The following MRC2 variants were observed in gnomAD, a reference collection of about 807,000 sequenced individuals.
MRC2 encodes C-type mannose receptor 2.
Under a neutral mutation model 206.2 loss-of-function variants are expected in MRC2, and 84 were observed. The ratio of observed to expected loss-of-function variants is 0.41; its 90% CI spans 0.34 to 0.49. MRC2 has a LOEUF of 0.49. Ranked by LOEUF, MRC2 falls within the 20% of genes least tolerant of loss-of-function variation. MRC2 has a pLI of 0.31. For synonymous variants in MRC2, 798 were observed against 800.0 expected (o/e 1.00, Z 0.04); for missense variants, 1,676 against 2,001.5 (o/e 0.84, Z 3.10).
chr17:62,685,450 G>C (rs1302464039), intron 20 of MRC2, among the ~76,000 whole-genome samples: 1 of 150,802 alleles, frequency 6.6e-6, no homozygotes, highest in Non-Finnish European at 1.5e-5. Flanking sequence ...TTTTTAAACA[G>C]AATGTATTTT....
chr17:62,683,151 G>T (rs923131975), intron 20 of MRC2, among the ~76,000 whole-genome samples: 1 of 152,102 alleles, frequency 6.6e-6, no homozygotes, highest in African/African-American at 2.4e-5. Flanking sequence ...ATTAGCTAAA[G>T]ATTTTTAAAT....
intron 8 of MRC2, among the ~76,000 whole-genome samples, chr17:62,673,213 C>T (rs1369326350): frequency 2.0e-5 from 3 of 152,158 alleles, no homozygotes; most frequent in South Asian, 2.1e-4. Context: ...TACACAAACA[C>T]GCCTGCCCTC....
intron 1 of MRC2, among the ~76,000 whole-genome samples, chr17:62,659,210 G>T (rs1198712213): frequency 1.3e-5 from 2 of 152,008 alleles, no homozygotes; most frequent in African/African-American, 2.4e-5. Context: ...CCTCCCAAAG[G>T]TCTCACATCC....
intron 1 of MRC2, among the ~76,000 whole-genome samples, chr17:62,641,315 G>GAA (rs536367162): frequency 1.7e-4 from 14 of 84,394 alleles, no homozygotes; most frequent in Non-Finnish European, 2.0e-4. Flanking sequence ...GACTGTCTCA[G>GAA]AAAAAAAAAA....
rs140019168 is a variant in MRC2, at chr17:62,692,361, C to T, written c.4350C>T (p.Ala1450=). The T allele has an allele frequency of 1.3e-6, 2 of 1,572,864 alleles. No individual in the cohort carries two copies. The highest frequency in any genetic ancestry group is 1.7e-6 in the Non-Finnish European group (2 of 1,159,202). The change falls in exon 30 of 30, where the codon GCC becomes GCT. Residue 1450 remains alanine (A), a synonymous_variant. Transcript: ENST00000303375. This position sits in a 1 kb window ranked among gnomAD's most constrained non-coding sequence, Gnocchi z 4.2. ...QSIERGAFEG[A]RYSRSSSSPT... is the part of the protein sequence containing the mutation. ...TCGAGCGCGGGGCCTTTGAGGGTGC[C>T]CGCTACAGCCGCAGCAGCTCCAGCC...
chr17:62,672,209 G>T lies in MRC2; in HGVS notation c.1461+57G>T. The T allele has an allele frequency of 6.2e-7, 1 of 1,601,482 alleles. No homozygotes were observed. ...CAAAATACACCCCCAACCTCCAGGT[G>T]CCACCCCAGCTGAAGGACATCCTAG... On this transcript the variant is annotated intron_variant, in intron 8 of 29. Transcript: ENST00000303375. This position sits in a 1 kb window ranked among gnomAD's most constrained non-coding sequence, Gnocchi z 4.5.
Position 62,666,405 on chromosome 17 carries a change from C to T in MRC2, c.695-50C>T. The T allele has an allele frequency of 6.2e-7, 1 of 1,611,500 alleles. No homozygotes were observed. The highest frequency in any genetic ancestry group is 2.2e-5 in the East Asian group (1 of 44,850). ...CTTTTGGTGGGGGAGGGTCTGCACTCCCGAGGGACCCTGGAGGGGGCCTGA... is the reference window on the plus strand; with the variant it reads ...CTTTTGGTGGGGGAGGGTCTGCACTTCCGAGGGACCCTGGAGGGGGCCTGA... On this transcript the variant is annotated intron_variant, in intron 3 of 29. Coordinates refer to ENST00000303375, the MANE Select transcript of MRC2 (RefSeq NM_006039.5). This position sits in a 1 kb window ranked among gnomAD's most constrained non-coding sequence, Gnocchi z 5.0.
Position 62,690,772 on chromosome 17 carries a change from T to C in MRC2, c.4012+11T>C. On this transcript the variant is annotated intron_variant, in intron 27 of 29. Transcript: ENST00000303375. ...ACTTCAACCCCAAAGGTGGGTGCCC[T>C]GTGTGTGGGGTGGAGAGGTCAAGCC... is the stretch of plus-strand genomic sequence containing the variant. 6.3e-7 allele frequency: 1 copy of C among 1,594,866 alleles called. No individual in the cohort carries two copies. Among genetic ancestry groups the C allele is most frequent in the Middle Eastern group, 1.7e-4 (1 of 5,952 alleles).
intron 1 of MRC2, among the ~76,000 whole-genome samples, chr17:62,659,627 C>G (rs1357168168): frequency 1.3e-5 from 2 of 151,640 alleles, no homozygotes; most frequent in Non-Finnish European, 2.9e-5. Flanking sequence ...GGAGCAGGTT[C>G]AAGGCAGGGG....
chr17:62,648,298 G>A (rs2088514801), intron 1 of MRC2, among the ~76,000 whole-genome samples: 1 of 152,218 alleles, frequency 6.6e-6, no homozygotes, highest in African/African-American at 2.4e-5. Context: ...CAGCTACTCA[G>A]GAGGCTGAGA....
intron 1 of MRC2, among the ~76,000 whole-genome samples, chr17:62,643,082 C>T (rs1257373313): frequency 1.3e-5 from 2 of 152,134 alleles, no homozygotes; most frequent in East Asian, 1.9e-4. Flanking sequence ...AATCCCAGCA[C>T]TTTGGGAGTC....
chr17:62,628,844 G>A (rs925421017), intron 1 of MRC2, among the ~76,000 whole-genome samples: 13 of 152,056 alleles, frequency 8.5e-5, no homozygotes, highest in Admixed American at 8.5e-4. Context: ...TGGAGTGACC[G>A]GGGGAATCGC....
In MRC2 at chr17:62,672,266, C is replaced by A. The variant is rs1344554328; in HGVS notation, c.1461+114C>A. On this transcript the variant is annotated intron_variant, in intron 8 of 29. Coordinates refer to ENST00000303375, the MANE Select transcript of MRC2 (RefSeq NM_006039.5). This position sits in a 1 kb window ranked among gnomAD's most constrained non-coding sequence, Gnocchi z 4.5. The stretch of plus-strand genomic sequence containing the variant: ...TCAGAACCTGCCTGGAACCTCTTAC[C>A]TCTCAGCAGTCCCCCTCCTCCCCAC... 5 of 1,240,606 alleles carry A rather than the reference C, an allele frequency of 4.0e-6. No individual in the cohort carries two copies. Among genetic ancestry groups the A allele is most frequent in the Admixed American group, 1.9e-5 (1 of 52,274 alleles). The allele number at this position is 1,240,606 out of a possible 1,614,324, so 76.8% of individuals were successfully genotyped here.
intron 24 of MRC2, 56 bp downstream of exon 24, chr17:62,689,816 G>GC: frequency 6.5e-7 from 1 of 1,531,564 alleles, no homozygotes; most frequent in Admixed American, 2.0e-5. Context: ...TCCCCTCCCT[G>GC]CCCCTTCCTG....
chr17:62,669,125 C>A (rs1031155489), intron 6 of MRC2, among the ~76,000 whole-genome samples: 1 of 145,004 alleles, frequency 6.9e-6, no homozygotes, highest in Non-Finnish European at 1.5e-5. Context: ...CACACACACA[C>A]AACACTAACT....
chr17:62,648,048 C>T (rs1203226204), intron 1 of MRC2, among the ~76,000 whole-genome samples: 2 of 152,158 alleles, frequency 1.3e-5, no homozygotes, highest in Non-Finnish European at 2.9e-5. Flanking sequence ...GACTCAAAGC[C>T]AGCTTTGAAT....
Position 62,664,445 on chromosome 17 carries a change from A to G in MRC2, c.119-103A>G, listed in dbSNP as rs1244044858. On this transcript the variant is annotated intron_variant, in intron 1 of 29. Coordinates refer to ENST00000303375, the MANE Select transcript of MRC2 (RefSeq NM_006039.5). This position sits in a 1 kb window ranked among gnomAD's most constrained non-coding sequence, Gnocchi z 4.7. Reference sequence around the variant, plus strand: ...TTTAACGTATGAGTGACGGCTCACCATCCTGCACTGGGCACATGGTAGGTG... The same window carrying G: ...TTTAACGTATGAGTGACGGCTCACCGTCCTGCACTGGGCACATGGTAGGTG... 2 of 1,308,722 alleles carry G rather than the reference A, an allele frequency of 1.5e-6. No individual in the cohort carries two copies. The highest frequency in any genetic ancestry group is 2.9e-5 in the African/African-American group (2 of 68,148). 81.1% of individuals were successfully genotyped at this position (1,308,722 alleles called of 1,614,324 possible).
At chr17:62,631,887 C>G (rs2084218795) in intron 1 of MRC2, among the ~76,000 whole-genome samples, 1 of 152,198 alleles carries the variant, frequency 6.6e-6, no homozygotes, top group Non-Finnish European at 1.5e-5. Context: ...TGAGCTCCTG[C>G]AGAACTGAAG....
intron 1 of MRC2, among the ~76,000 whole-genome samples, chr17:62,662,087 A>G (rs1403657018): frequency 6.6e-6 from 1 of 152,020 alleles, no homozygotes; most frequent in Non-Finnish European, 1.5e-5. Flanking sequence ...GTCTCTACTA[A>G]AAATACAAAA....
Sources: gnomAD v4.1 joint callset for allele counts (sites outside exome capture counted in the v4.1 genomes callset) on GRCh38, gnomAD v4.1.1 for gene constraint, Gnocchi (gnomAD v3.1) non-coding constraint, MANE v1.5 for transcripts, NCBI Gene and HGNC (gene_info 2026-07-23, HGNC 2026-07-21) for gene names.